GTF2IRD1: variants seen among roughly 807,000 people sequenced by gnomAD.
GTF2IRD1 encodes the protein general transcription factor II-I repeat domain-containing protein 1.
Under a neutral mutation model 113.2 loss-of-function variants are expected in GTF2IRD1, and 26 were observed. The ratio of observed to expected loss-of-function variants is 0.23; its 90% CI spans 0.17 to 0.32. The LOEUF is 0.32. Among genes scored for constraint, GTF2IRD1 ranks in the 10% least tolerant of loss-of-function variants. The pLI is 1.00. For synonymous variants in GTF2IRD1, 484 were observed against 529.1 expected, an observed-to-expected ratio of 0.91 and a Z score of 1.17; for missense variants, 864 against 1,280.8, an observed-to-expected ratio of 0.67 and a Z score of 4.97.
intron 1 of GTF2IRD1, among the ~76,000 whole-genome samples, chr7:74,463,188 C>G (rs1385615792): frequency 6.6e-6 from 1 of 152,168 alleles, no homozygotes; most frequent in East Asian, 1.9e-4. Flanking sequence ...TCAAACGGAA[C>G]AGGGCTGGCC....
In GTF2IRD1 at chr7:74,521,290, C is replaced by T; in HGVS notation, c.999C>T (p.Asp333=). 6.2e-7 allele frequency: 1 copy of T among 1,605,796 alleles called. No individual in the cohort carries two copies. Among genetic ancestry groups the T allele is most frequent in the Non-Finnish European group, 8.5e-7 (1 of 1,172,806 alleles). ...SKRILFSIVH[D]KSEKWDAFIK... ...GCATTCTCTTCTCCATCGTCCATGA[C>T]AAGTCAGGTAGGACAGCGCCCACGA... Residue 333 remains aspartate (D), a synonymous_variant, in exon 7 of 27, where the codon GAC becomes GAT. Coordinates refer to ENST00000424337, the MANE Select transcript of GTF2IRD1 (RefSeq NM_005685.4).
At chr7:74,484,423 A>G (rs2117147319) in intron 1 of GTF2IRD1, among the ~76,000 whole-genome samples, 1 of 150,138 alleles carries the variant, frequency 6.7e-6, no homozygotes, top group Admixed American at 6.6e-5. Flanking sequence ...CTGAGATTAC[A>G]GGCATGAGCC....
chr7:74,497,507 A>G (rs2129765601), intron 1 of GTF2IRD1, among the ~76,000 whole-genome samples: 1 of 152,186 alleles, frequency 6.6e-6, no homozygotes, highest in East Asian at 1.9e-4. Flanking sequence ...CTCCTGCCTC[A>G]GCCTCCCAAA....
intron 1 of GTF2IRD1, among the ~76,000 whole-genome samples, chr7:74,493,142 C>T (rs901798585): frequency 6.8e-6 from 1 of 147,326 alleles, no homozygotes; most frequent in African/African-American, 2.5e-5. Flanking sequence ...AGGGGTCTCA[C>T]TGTCTTGCTC....
At chr7:74,586,854 G>A (rs111488665) in intron 22 of GTF2IRD1, among the ~76,000 whole-genome samples, 6 of 152,154 alleles carry the variant, frequency 3.9e-5, no homozygotes, top group African/African-American at 7.2e-5. Flanking sequence ...GAGTTTTCAA[G>A]ATTAAAAGAG....
chr7:74,565,153 G>C (rs1297806905), intron 22 of GTF2IRD1, among the ~76,000 whole-genome samples: 13 of 152,192 alleles, frequency 8.5e-5, no homozygotes, highest in African/African-American at 3.1e-4. Context: ...GACCCTGGGG[G>C]CTGAACGCCA....
intron 8 of GTF2IRD1, among the ~76,000 whole-genome samples, chr7:74,526,373 G>A (rs1210064883): frequency 2.0e-5 from 3 of 152,198 alleles, no homozygotes; most frequent in Non-Finnish European, 4.4e-5. Context: ...TGGTGGGGAC[G>A]GGGTCTGGCA....
intron 22 of GTF2IRD1, among the ~76,000 whole-genome samples, chr7:74,576,045 C>T (rs1554364480): frequency 6.6e-6 from 1 of 151,846 alleles, no homozygotes; most frequent in Non-Finnish European, 1.5e-5. Context: ...CCTGTGGTCC[C>T]AGCTACTAGG....
At chr7:74,488,494 A>G (rs782150351) in intron 1 of GTF2IRD1, among the ~76,000 whole-genome samples, 5 of 152,156 alleles carry the variant, frequency 3.3e-5, no homozygotes, top group Admixed American at 2.0e-4. Flanking sequence ...ACGGTGGCTC[A>G]CGCCTGTAAT....
rs781982716 is a variant in GTF2IRD1 at position 74,547,224 on chromosome 7, C to T, written c.1854C>T (p.Phe618=). Residue 618 remains phenylalanine (F), a synonymous_variant, in exon 17 of 27, where the codon TTC becomes TTT. Transcript: ENST00000424337. The part of the protein sequence containing the change: ...EGISLRRPNC[F]GIAKLRKILE... The stretch of plus-strand genomic sequence containing the variant: ...TCTCCCTCCGCAGGCCCAACTGCTT[C>T]GGGATCGCCAAGCTCCGGAAGATTC... 38 of 1,613,390 alleles carry T rather than the reference C, an allele frequency of 2.4e-5. No individual in the cohort carries two copies. The highest frequency in any genetic ancestry group is 1.6e-4 in the Middle Eastern group (1 of 6,078).
intron 1 of GTF2IRD1, among the ~76,000 whole-genome samples, chr7:74,457,361 A>G (rs1158520837): frequency 6.6e-6 from 1 of 152,154 alleles, no homozygotes; most frequent in African/African-American, 2.4e-5. Flanking sequence ...CAATTGCACT[A>G]GGGACAGGAA....
At chr7:74,455,175 G>A (rs1415440320) in intron 1 of GTF2IRD1, among the ~76,000 whole-genome samples, 8 of 152,224 alleles carry the variant, frequency 5.3e-5, no homozygotes, top group African/African-American at 9.6e-5. Flanking sequence ...CGAGGGTGCT[G>A]GGACATAGGG....
chr7:74,486,467 G>GC (rs1461779191), intron 1 of GTF2IRD1, among the ~76,000 whole-genome samples: 1 of 152,208 alleles, frequency 6.6e-6, no homozygotes, highest in African/African-American at 2.4e-5. Flanking sequence ...AAGGGATTGA[G>GC]CCCCCCATTG....
Position 74,519,556 on chromosome 7 carries a change from C to G in GTF2IRD1, c.753C>G (p.Ser251=). 7 of 1,612,364 alleles carry G rather than the reference C, an allele frequency of 4.3e-6. No homozygotes were observed. Among genetic ancestry groups the G allele is most frequent in the Non-Finnish European group, 5.9e-6 (7 of 1,179,548 alleles). Reference sequence around the variant, plus strand: ...ACCTGCCCCCAACCGCCACCTCCTCCTCCATGGCCAGCTTCCTGTACAGCA... The same window carrying G: ...ACCTGCCCCCAACCGCCACCTCCTCGTCCATGGCCAGCTTCCTGTACAGCA... ...PQDLPPTATS[S]SMASFLYSTA... Residue 251 remains serine, a synonymous_variant, in exon 6 of 27, where the codon TCC becomes TCG. Coordinates refer to ENST00000424337, the MANE Select transcript of GTF2IRD1 (RefSeq NM_005685.4).
At chr7:74,513,769 C>T (rs1177726708) in intron 3 of GTF2IRD1, among the ~76,000 whole-genome samples, 2 of 152,052 alleles carry the variant, frequency 1.3e-5, no homozygotes, top group Admixed American at 6.6e-5. Flanking sequence ...CCTAGCACTT[C>T]GGGAGGCTGA....
intron 22 of GTF2IRD1, among the ~76,000 whole-genome samples, chr7:74,568,947 T>C (rs1190451832): frequency 6.6e-6 from 1 of 152,110 alleles, no homozygotes; most frequent in Admixed American, 6.6e-5. Context: ...TCAAGGTACG[T>C]GTGGGGCACT....
At chr7:74,471,885 A>G (rs1794133179) in intron 1 of GTF2IRD1, among the ~76,000 whole-genome samples, 2 of 151,816 alleles carry the variant, frequency 1.3e-5, no homozygotes, top group African/African-American at 4.8e-5. Flanking sequence ...CCAGCTGCTC[A>G]GGAGGCTGAG....
chr7:74,491,516 C>T (rs1294474966), intron 1 of GTF2IRD1, among the ~76,000 whole-genome samples: 2 of 144,574 alleles, frequency 1.4e-5, no homozygotes. Flanking sequence ...GTGTGTTGCC[C>T]CCCTCTCTGT....
At position 74,584,509 on chromosome 7, in the gene GTF2IRD1, C is replaced by T. The variant is rs587712234; in HGVS notation, c.2321-5342C>T. 2.5e-4 allele frequency among the ~76,000 whole-genome samples: 38 copies of T among 152,278 alleles called. No individual in the cohort carries two copies. In the East Asian group the frequency reaches 7.1e-3, roughly 29 times the overall value. Reference sequence around the variant, plus strand: ...TGTATTTATCCTGTGCTCAGTAAATCTGCCTTTTACATAAGATAAAGTAAA... The same window carrying T: ...TGTATTTATCCTGTGCTCAGTAAATTTGCCTTTTACATAAGATAAAGTAAA... On this transcript the variant is annotated intron_variant, in intron 22 of 26. Coordinates refer to ENST00000424337, the MANE Select transcript of GTF2IRD1 (RefSeq NM_005685.4).
Sources: allele counts gnomAD v4.1 joint callset (sites outside exome capture counted in the v4.1 genomes callset), GRCh38; gene constraint gnomAD v4.1.1; transcripts MANE v1.5; gene names NCBI Gene and HGNC (gene_info 2026-07-23, HGNC 2026-07-21).